Variants in DIAPH3 observed in about 807,000 individuals in gnomAD.
The protein encoded by DIAPH3 is diaphanous related formin 3, also known as protein diaphanous homolog 3.
DIAPH3 carries 117 observed loss-of-function variants against 144.3 expected under a neutral mutation model. The observed-to-expected ratio is 0.81, with a 90% CI of 0.70 to 0.95. The LOEUF (loss-of-function observed/expected upper bound fraction) is 0.95. Ranked by LOEUF, DIAPH3 falls within the 40% of genes least tolerant of loss-of-function variation. The pLI is 0.00. For synonymous variants in DIAPH3, 519 were observed against 488.9 expected, an observed-to-expected ratio of 1.06 and a Z score of -0.81; for missense variants, 1,421 against 1,412.7, an observed-to-expected ratio of 1.01 and a Z score of -0.09.
intron 3 of DIAPH3, among the ~76,000 whole-genome samples, chr13:60,107,301 A>ATTGGACATACAT (rs2058449147): frequency 6.6e-6 from 1 of 152,132 alleles, no homozygotes; most frequent in Non-Finnish European, 1.5e-5. Context: ...GTATGGGAGC[A>ATTGGACATACAT]AAACTATTGG....
At position 59,768,214 on chromosome 13, in the gene DIAPH3, A is replaced by C. The variant is rs148515461; in HGVS notation, c.3319+5975T>G. 2.6e-5 allele frequency among the ~76,000 whole-genome samples: 4 copies of C among 152,302 alleles called. No homozygotes were observed. The East Asian group carries it at 7.7e-4, about 29-fold the overall frequency. On this transcript the variant is annotated intron_variant, in intron 27 of 27. Transcript: ENST00000400324. ...AAGTGTAAGGGTGTCAAAAACCATT[A>C]GTATTTTAATAGCTCCCTTTCTTAG... is the stretch of plus-strand genomic sequence containing the variant.
At chr13:59,811,499 G>A (rs1199009044) in intron 24 of DIAPH3, among the ~76,000 whole-genome samples, 1 of 152,114 alleles carries the variant, frequency 6.6e-6, no homozygotes, top group Non-Finnish European at 1.5e-5. Flanking sequence ...AGCACTTTGG[G>A]AGGCCGAGGT....
chr13:59,727,329 A>G (rs923509480), intron 27 of DIAPH3, among the ~76,000 whole-genome samples: 1 of 152,206 alleles, frequency 6.6e-6, no homozygotes, highest in Admixed American at 6.5e-5. Context: ...AGGGAAGAAG[A>G]CTTAGAACTT....
chr13:59,912,525 T>G (rs1366247917), intron 19 of DIAPH3, among the ~76,000 whole-genome samples: 4 of 152,160 alleles, frequency 2.6e-5, no homozygotes, highest in African/African-American at 7.2e-5. Context: ...GAATAAAGAT[T>G]AAAGGAATAC....
chr13:59,796,718 A>C (rs1433643993), intron 25 of DIAPH3, among the ~76,000 whole-genome samples: 1 of 152,186 alleles, frequency 6.6e-6, no homozygotes, highest in Non-Finnish European at 1.5e-5. Flanking sequence ...TTTTAAACTA[A>C]ATTCATCCTA....
chr13:60,136,591 G>A (rs1179251865), intron 1 of DIAPH3, among the ~76,000 whole-genome samples: 3 of 151,896 alleles, frequency 2.0e-5, no homozygotes, highest in East Asian at 1.9e-4. Context: ...TTCTAGAGGT[G>A]TTATTAATGT....
chr13:59,811,686 G>A (rs1295798676), intron 24 of DIAPH3, among the ~76,000 whole-genome samples: 3 of 142,914 alleles, frequency 2.1e-5, no homozygotes, highest in East Asian at 4.1e-4. Context: ...GCAGTGAGCC[G>A]AGATCGCACC....
At chr13:59,927,752 T>G (rs187210882) in intron 17 of DIAPH3, among the ~76,000 whole-genome samples, 1 of 152,346 alleles carries the variant, frequency 6.6e-6, no homozygotes. Flanking sequence ...AAATTGATGT[T>G]GGTCTGATGG....
At chr13:59,873,462 A>T (rs2044402964) in intron 21 of DIAPH3, among the ~76,000 whole-genome samples, 1 of 152,156 alleles carries the variant, frequency 6.6e-6, no homozygotes, top group South Asian at 2.1e-4. Context: ...GAAATAGGCA[A>T]AGGTATCCTG....
intron 20 of DIAPH3, among the ~76,000 whole-genome samples, chr13:59,884,074 C>G (rs2045272321): frequency 6.6e-6 from 1 of 152,140 alleles, no homozygotes; most frequent in Non-Finnish European, 1.5e-5. Flanking sequence ...GTATTTATAG[C>G]TGCTCCCTAT....
At chr13:60,033,488 G>C (rs1042316835) in intron 5 of DIAPH3, among the ~76,000 whole-genome samples, 1 of 152,128 alleles carries the variant, frequency 6.6e-6, no homozygotes, top group Non-Finnish European at 1.5e-5. Flanking sequence ...CTTCTGGGTC[G>C]GCCTTAGGAA....
chr13:60,087,488 AC>A (rs1470714058), intron 4 of DIAPH3, among the ~76,000 whole-genome samples: 1 of 152,138 alleles, frequency 6.6e-6, no homozygotes, highest in African/African-American at 2.4e-5. Flanking sequence ...CTCAATTTAG[AC>A]TCAGTTGTTT....
intron 20 of DIAPH3, among the ~76,000 whole-genome samples, chr13:59,889,380 A>C (rs2045649668): frequency 6.6e-6 from 1 of 152,058 alleles, no homozygotes; most frequent in African/African-American, 2.4e-5. Flanking sequence ...TGCCATCTCC[A>C]ATATACTATT....
At chr13:60,000,093 G>A (rs1231481549) in intron 9 of DIAPH3, among the ~76,000 whole-genome samples, 2 of 152,120 alleles carry the variant, frequency 1.3e-5, no homozygotes, top group South Asian at 4.1e-4. Flanking sequence ...AAGACCATGT[G>A]TATGCCAGAC....
At chr13:59,733,844 T>C (rs1303191792) in intron 27 of DIAPH3, among the ~76,000 whole-genome samples, 1 of 152,218 alleles carries the variant, frequency 6.6e-6, no homozygotes, top group Non-Finnish European at 1.5e-5. Flanking sequence ...TCCAACCCAG[T>C]GCTCAAAGAA....
At chr13:59,885,448 T>TTA (rs1555326386) in intron 20 of DIAPH3, among the ~76,000 whole-genome samples, 3 of 93,064 alleles carry the variant, frequency 3.2e-5, no homozygotes, top group Non-Finnish European at 6.0e-5. Flanking sequence ...CTTCTTTCAC[T>TTA]AAAAAAAAAA....
chr13:60,127,318 G>C (rs1323192443), intron 2 of DIAPH3, among the ~76,000 whole-genome samples: 1 of 151,598 alleles, frequency 6.6e-6, no homozygotes, highest in East Asian at 1.9e-4. Flanking sequence ...AAACTACCAA[G>C]GCTCACTTAG....
rs779187680 is a variant in DIAPH3 at position 59,762,779 on chromosome 13, GA to G, written c.3319+11409del. 4.6e-5 allele frequency among the ~76,000 whole-genome samples: 7 copies of G among 152,166 alleles called. No homozygotes were observed. In the South Asian group the frequency reaches 1.0e-3, roughly 23 times the overall value. Reference sequence around the variant, plus strand: ...GGCTGTCCCCTCCCAAACTCATGTGGAAATTTAATTGCCATCATAATAGTAT... The same window carrying G: ...GGCTGTCCCCTCCCAAACTCATGTGGAATTTAATTGCCATCATAATAGTAT... On this transcript the variant is annotated intron_variant, in intron 27 of 27. Transcript: ENST00000400324.
At chr13:59,972,533 C>T (rs779879089) in intron 15 of DIAPH3, among the ~76,000 whole-genome samples, 1 of 152,000 alleles carries the variant, frequency 6.6e-6, no homozygotes, top group African/African-American at 2.4e-5. Context: ...TCAATGACGT[C>T]TGAAATCATG....
Sources: allele counts gnomAD v4.1 joint callset (sites outside exome capture counted in the v4.1 genomes callset), GRCh38; gene constraint gnomAD v4.1.1; transcripts MANE v1.5; gene names NCBI Gene and HGNC (gene_info 2026-07-23, HGNC 2026-07-21).